Variants in PRKG1 observed in about 807,000 individuals in gnomAD.
The protein encoded by PRKG1 is cGMP-dependent protein kinase 1.
PRKG1 carries 35 observed loss-of-function variants against 88.1 expected under a neutral mutation model. The observed-to-expected ratio is 0.40, with a 90% CI of 0.30 to 0.53. The LOEUF is 0.53. Among genes scored for constraint, PRKG1 ranks in the 20% least tolerant of loss-of-function variants. The pLI, the probability that PRKG1 is intolerant of heterozygous loss-of-function variation, is 0.59. For synonymous variants in PRKG1, 303 were observed against 292.5 expected (o/e 1.04, Z -0.37); for missense variants, 540 against 839.8 (o/e 0.64, Z 4.41).
intron 5 of PRKG1, among the ~76,000 whole-genome samples, chr10:51,926,339 G>A (rs1259257299): frequency 2.0e-5 from 3 of 152,192 alleles, no homozygotes; most frequent in Non-Finnish European, 4.4e-5. Flanking sequence ...AATAGAAAAT[G>A]TGGTGAGGGG....
chr10:51,946,917 G>C (rs1388558340), intron 5 of PRKG1, among the ~76,000 whole-genome samples: 1 of 152,054 alleles, frequency 6.6e-6, no homozygotes, highest in Non-Finnish European at 1.5e-5. Flanking sequence ...AGGGGTCAGG[G>C]ACCCACCTGA....
intron 9 of PRKG1, among the ~76,000 whole-genome samples, chr10:52,173,616 A>G (rs1455671980): frequency 1.3e-5 from 2 of 152,216 alleles, no homozygotes; most frequent in Admixed American, 6.5e-5. Flanking sequence ...AGACATTTAC[A>G]TGTATCACAC....
At chr10:52,062,430 T>C (rs1268287186) in intron 6 of PRKG1, 107 bp from the exon 7 acceptor site, 1 of 669,742 alleles carries the variant, frequency 1.5e-6, no homozygotes, top group East Asian at 3.3e-5. Context: ...TTTTTCTTTA[T>C]AAAAATAAGA....
At chr10:51,328,240 G>A (rs565922957) in intron 2 of PRKG1, among the ~76,000 whole-genome samples, 1 of 152,234 alleles carries the variant, frequency 6.6e-6, no homozygotes, top group Non-Finnish European at 1.5e-5. Flanking sequence ...ATTTCTTTCT[G>A]TGCCTGGCTT....
Position 51,705,159 on chromosome 10 carries a change from T to C in PRKG1, c.593-99426T>C, listed in dbSNP as rs528359224. Among the ~76,000 whole-genome samples the C allele has an allele frequency of 1.7e-4, 26 of 152,294 alleles. No homozygotes were observed. In the South Asian group the frequency reaches 4.4e-3, roughly 26 times the overall value. On this transcript the variant is annotated intron_variant, in intron 3 of 17. Transcript: ENST00000373980. ...ACTATTTGTCAGGGATGCTTCCTTT[T>C]TTCCTCTTCTTCTCTTCCCTCCCCC...
intron 10 of PRKG1, 43 bp downstream of exon 10, chr10:52,251,709 C>G (rs1440158732): frequency 1.3e-6 from 2 of 1,487,278 alleles, no homozygotes; most frequent in East Asian, 2.3e-5. Flanking sequence ...CCTCTGCTTC[C>G]TTTTTAATTT....
At chr10:51,791,058 T>C (rs1425210500) in intron 3 of PRKG1, among the ~76,000 whole-genome samples, 1 of 152,188 alleles carries the variant, frequency 6.6e-6, no homozygotes, top group Non-Finnish European at 1.5e-5. Flanking sequence ...GTCTTAATTC[T>C]GTACTTTACA....
intron 2 of PRKG1, among the ~76,000 whole-genome samples, chr10:51,276,079 A>G (rs1048537086): frequency 2.0e-5 from 3 of 151,622 alleles, no homozygotes; most frequent in African/African-American, 7.3e-5. Context: ...CTCATCATTT[A>G]TATTAGGTAT....
intron 2 of PRKG1, among the ~76,000 whole-genome samples, chr10:51,281,715 T>C (rs1840302960): frequency 6.6e-6 from 1 of 152,122 alleles, no homozygotes; most frequent in South Asian, 2.1e-4. Flanking sequence ...TTATGGCCTA[T>C]CATTTAGGGC....
At position 52,275,176 on chromosome 10, in the gene PRKG1, A is replaced by C. The variant is rs189862990; in HGVS notation, c.1403+2695A>C. Reference sequence around the variant, plus strand: ...TGTTCCTTTCGCCATGCAAAAGCTCATCAGTTAAACTAGGTCCCAGCTATT... The same window carrying C: ...TGTTCCTTTCGCCATGCAAAAGCTCCTCAGTTAAACTAGGTCCCAGCTATT... On this transcript the variant is annotated intron_variant, in intron 12 of 17. Transcript: ENST00000373980. 7.1e-4 allele frequency among the ~76,000 whole-genome samples: 108 copies of C among 152,200 alleles called. 1 individual carries two copies. In the East Asian group the frequency reaches 0.019, roughly 27 times the overall value.
At chr10:52,199,717 T>C (rs1839609250) in intron 9 of PRKG1, among the ~76,000 whole-genome samples, 1 of 152,068 alleles carries the variant, frequency 6.6e-6, no homozygotes, top group Non-Finnish European at 1.5e-5. Context: ...CAGATATTTC[T>C]CCCTCCAAAT....
chr10:51,646,166 T>A (rs1839910276), intron 3 of PRKG1, among the ~76,000 whole-genome samples: 1 of 152,160 alleles, frequency 6.6e-6, no homozygotes, highest in African/African-American at 2.4e-5. Flanking sequence ...TAGTACAGTT[T>A]GTTGGTTAGA....
At chr10:51,760,886 G>A (rs1038191846) in intron 3 of PRKG1, among the ~76,000 whole-genome samples, 69 of 152,222 alleles carry the variant, frequency 4.5e-4, no homozygotes, top group Non-Finnish European at 7.9e-4. Flanking sequence ...AGGCTGAAGC[G>A]GGTGGATCAC....
At chr10:51,499,628 C>T (rs778874826) in intron 3 of PRKG1, among the ~76,000 whole-genome samples, 5 of 151,978 alleles carry the variant, frequency 3.3e-5, no homozygotes, top group East Asian at 1.9e-4. Flanking sequence ...ACAATTTCCC[C>T]GTAATATTTT....
chr10:51,301,814 C>T (rs1840895243), intron 2 of PRKG1, among the ~76,000 whole-genome samples: 1 of 152,196 alleles, frequency 6.6e-6, no homozygotes, highest in Non-Finnish European at 1.5e-5. Flanking sequence ...GGTTTGGCTT[C>T]CTGGCTATTG....
chr10:52,013,530 C>T (rs767134617), intron 5 of PRKG1, among the ~76,000 whole-genome samples: 1 of 152,014 alleles, frequency 6.6e-6, no homozygotes, highest in African/African-American at 2.4e-5. Flanking sequence ...ATGGGTGGAA[C>T]TCTTCTAGTT....
At chr10:52,144,406 G>A (rs7910428) in intron 8 of PRKG1, among the ~76,000 whole-genome samples, 35,817 of 152,120 alleles carry the variant, frequency 0.24, 4,473 homozygotes, top group African/African-American at 0.32. Flanking sequence ...ATCTGTTTTC[G>A]AAGGAAGAGA....
At chr10:51,055,652 T>C (rs1452523159) in intron 1 of PRKG1, among the ~76,000 whole-genome samples, 6 of 151,814 alleles carry the variant, frequency 4.0e-5, no homozygotes, top group Non-Finnish European at 8.8e-5. Context: ...GGCAGGAGAA[T>C]GGCATGAACC....
intron 4 of PRKG1, among the ~76,000 whole-genome samples, chr10:51,845,328 G>A (rs1454904939): frequency 6.6e-6 from 1 of 151,980 alleles, no homozygotes; most frequent in African/African-American, 2.4e-5. Context: ...CTTGTGTAAT[G>A]CCTTTCCCGA....
Sources: gnomAD v4.1 joint callset for allele counts (sites outside exome capture counted in the v4.1 genomes callset) on GRCh38, gnomAD v4.1.1 for gene constraint, MANE v1.5 for transcripts, NCBI Gene and HGNC (gene_info 2026-07-23, HGNC 2026-07-21) for gene names.